PABPC4L: variants seen among roughly 807,000 people sequenced by gnomAD.
PABPC4L encodes the protein poly(A) binding protein cytoplasmic 4 like, also known as polyadenylate-binding protein 4-like.
For synonymous variants in PABPC4L, 169 were observed against 164.1 expected (o/e 1.03, Z -0.23); for missense variants, 452 against 451.4 (o/e 1.00, Z -0.01).
chr4:134,110,711 C>G, the PABPC4L span, among the ~76,000 whole-genome samples: 1 of 151,600 alleles, frequency 6.6e-6, no homozygotes, highest in Non-Finnish European at 1.5e-5. Context: ...TGAATATAAC[C>G]TATGCTCAAC....
At chr4:134,013,882 A>G in the PABPC4L span, among the ~76,000 whole-genome samples, 5 of 150,898 alleles carry the variant, frequency 3.3e-5, no homozygotes, top group Non-Finnish European at 7.4e-5. Flanking sequence ...TCCACCCTAT[A>G]ATCCTTTTAT....
the PABPC4L span, among the ~76,000 whole-genome samples, chr4:133,960,823 C>T: frequency 6.6e-6 from 1 of 152,050 alleles, no homozygotes; most frequent in Non-Finnish European, 1.5e-5. Context: ...CTGCATGACT[C>T]AGCAGAGGCA....
the PABPC4L span, among the ~76,000 whole-genome samples, chr4:134,027,201 AT>A: frequency 6.6e-6 from 1 of 152,110 alleles, no homozygotes; most frequent in Non-Finnish European, 1.5e-5. Context: ...GATCTTTGGA[AT>A]GCTCTTTTTT....
At chr4:133,990,690 A>G in the PABPC4L span, among the ~76,000 whole-genome samples, 1 of 152,150 alleles carries the variant, frequency 6.6e-6, no homozygotes, top group East Asian at 1.9e-4. Context: ...ATTTAATGAC[A>G]AAGGCTTGGT....
At position 134,200,616 on chromosome 4, in the gene PABPC4L, C is replaced by T; in HGVS notation, c.404G>A (p.Gly135Asp). The change falls in exon 2 of 2, where the codon GGC becomes GAC. Residue 135 changes from glycine (G) to aspartate (D), a missense_variant. By Grantham distance (94) the Gly-to-Asp change is moderately conservative. Transcript: ENST00000421491. ...GTGCACAAATGCATAGCCCTTGGAG[C>T]CTTGATCATCACTCATCACCTTGGA... ...LSSKVMSDDQ[G>D]SKGYAFVHFQ... 6.4e-7 allele frequency: 1 copy of T among 1,551,590 alleles called. No homozygotes were observed. The highest frequency in any genetic ancestry group is 8.7e-7 in the Non-Finnish European group (1 of 1,146,968).
At chr4:133,952,700 A>T in the PABPC4L span, among the ~76,000 whole-genome samples, 2 of 151,904 alleles carry the variant, frequency 1.3e-5, no homozygotes, top group African/African-American at 2.4e-5. Context: ...ACACGAGGGG[A>T]TTAATTTTAC....
chr4:134,099,985 A>G, the PABPC4L span, among the ~76,000 whole-genome samples: 1 of 151,666 alleles, frequency 6.6e-6, no homozygotes, highest in Admixed American at 6.6e-5. Context: ...ATTATCCCCC[A>G]TTTCTATCTG....
chr4:134,044,782 A>G, the PABPC4L span, among the ~76,000 whole-genome samples: 1 of 152,216 alleles, frequency 6.6e-6, no homozygotes, highest in Admixed American at 6.5e-5. Context: ...ATGCCCCAGC[A>G]TTAGAATTAT....
chr4:134,042,152 G>T, the PABPC4L span, among the ~76,000 whole-genome samples: 1 of 152,144 alleles, frequency 6.6e-6, no homozygotes, highest in African/African-American at 2.4e-5. Flanking sequence ...TGATACTGTA[G>T]TTTTTTGATC....
At chr4:134,110,901 A>G in the PABPC4L span, among the ~76,000 whole-genome samples, 2 of 152,156 alleles carry the variant, frequency 1.3e-5, no homozygotes, top group African/African-American at 4.8e-5. Flanking sequence ...CCCACAAATG[A>G]GGAACTCAAG....
At chr4:134,071,656 T>C in the PABPC4L span, among the ~76,000 whole-genome samples, 1 of 152,158 alleles carries the variant, frequency 6.6e-6, no homozygotes, top group Non-Finnish European at 1.5e-5. Context: ...AAAAGGAGAC[T>C]GTTGTTTTCT....
chr4:134,031,641 T>C, the PABPC4L span, among the ~76,000 whole-genome samples: 2 of 151,926 alleles, frequency 1.3e-5, no homozygotes, highest in Admixed American at 1.3e-4. Context: ...TAACTGTATG[T>C]AATAAGGTGA....
At chr4:134,034,928 C>T in the PABPC4L span, among the ~76,000 whole-genome samples, 14 of 152,000 alleles carry the variant, frequency 9.2e-5, no homozygotes, top group African/African-American at 3.1e-4. Context: ...ATAACTTCTA[C>T]TATGCATAAA....
downstream of PABPC4L, among the ~76,000 whole-genome samples, chr4:134,193,153 C>T (rs554488020): frequency 2.4e-4 from 37 of 151,968 alleles, no homozygotes; most frequent in African/African-American, 7.9e-4. Flanking sequence ...AGCCAATACC[C>T]GATAAAAGAT....
chr4:134,049,506 C>T, the PABPC4L span, among the ~76,000 whole-genome samples: 1 of 152,066 alleles, frequency 6.6e-6, no homozygotes, highest in African/African-American at 2.4e-5. Flanking sequence ...TGTGACAAAA[C>T]TTACTAACAC....
the PABPC4L span, among the ~76,000 whole-genome samples, chr4:134,123,525 G>A: frequency 1.3e-5 from 2 of 151,948 alleles, no homozygotes; most frequent in Non-Finnish European, 2.9e-5. Context: ...CATGAGCATC[G>A]ATTTAGTGGT....
At chr4:134,157,807 T>C in the PABPC4L span, among the ~76,000 whole-genome samples, 1 of 151,882 alleles carries the variant, frequency 6.6e-6, no homozygotes, top group Non-Finnish European at 1.5e-5. Flanking sequence ...ATTTTGGATT[T>C]TACATTTTTA....
chr4:133,979,856 C>G, the PABPC4L span, among the ~76,000 whole-genome samples: 2 of 152,074 alleles, frequency 1.3e-5, no homozygotes, highest in Non-Finnish European at 2.9e-5. Flanking sequence ...CCACAGCCTT[C>G]CTGTCTTCCA....
At chr4:134,156,480 A>G in the PABPC4L span, among the ~76,000 whole-genome samples, 1 of 151,916 alleles carries the variant, frequency 6.6e-6, no homozygotes, top group Non-Finnish European at 1.5e-5. Flanking sequence ...ATATTGATGA[A>G]ACAGAAACCA....
Sources: allele counts gnomAD v4.1 joint callset (sites outside exome capture counted in the v4.1 genomes callset), GRCh38; gene constraint gnomAD v4.1.1; transcripts MANE v1.5; gene names NCBI Gene and HGNC (gene_info 2026-07-23, HGNC 2026-07-21).